Variants in MGAT4C observed in about 807,000 individuals in gnomAD.
The protein encoded by MGAT4C is MGAT4 family member C.
MGAT4C carries 19 observed loss-of-function variants against 40.1 expected under a neutral mutation model. The ratio of observed to expected loss-of-function variants is 0.47; its 90% CI spans 0.33 to 0.70. The LOEUF is 0.70. MGAT4C is among the 30% of genes least tolerant of loss of function. The pLI is 0.02. For missense variants in MGAT4C, 491 were observed against 563.2 expected (o/e 0.87, Z 1.30); for synonymous variants, 181 against 187.1 (o/e 0.97, Z 0.27).
intron 4 of MGAT4C, among the ~76,000 whole-genome samples, chr12:86,284,810 C>T (rs140081218): frequency 9.3e-4 from 142 of 152,008 alleles, no homozygotes; most frequent in African/African-American, 3.1e-3. Flanking sequence ...CATGAATATA[C>T]CATAATCTCC....
At chr12:86,508,419 C>T (rs559927077) in intron 2 of MGAT4C, among the ~76,000 whole-genome samples, 110 of 152,170 alleles carry the variant, frequency 7.2e-4, no homozygotes, top group African/African-American at 1.9e-3. Flanking sequence ...TAGTATTCCA[C>T]GGTGTATATG....
intron 3 of MGAT4C, among the ~76,000 whole-genome samples, chr12:86,338,773 A>G (rs1052437494): frequency 3.3e-5 from 5 of 152,006 alleles, no homozygotes; most frequent in African/African-American, 1.2e-4. Context: ...CAGCCTGGCC[A>G]ACATCGTGAA....
chr12:85,989,438 G>C lies in MGAT4C; in HGVS notation c.109C>G (p.Leu37Val), dbSNP rs754687253. The C allele has an allele frequency of 8.1e-6, 13 of 1,607,250 alleles. No homozygotes were observed. Among genetic ancestry groups the C allele is most frequent in the Non-Finnish European group, 1.1e-5 (13 of 1,176,750 alleles). ...TCTTCAATGTACAAGTTCATAAAAA[G>C]GAGAAAAATGACAAGAACTCCCAAG... ...SFLGVLVIFLLFMNLYIEDSY... is the reference protein window; with the variant it reads ...SFLGVLVIFLVFMNLYIEDSY... The change falls in exon 3 of 5, where the codon CTT becomes GTT. Residue 37 changes from leucine to valine, a missense_variant. Transcript: ENST00000611864.
intron 2 of MGAT4C, among the ~76,000 whole-genome samples, chr12:86,449,791 A>C (rs1410429583): frequency 6.6e-6 from 1 of 152,170 alleles, no homozygotes; most frequent in Non-Finnish European, 1.5e-5. Flanking sequence ...TTGCATGACC[A>C]CCACTAATGG....
intron 1 of MGAT4C, among the ~76,000 whole-genome samples, chr12:86,780,864 A>G (rs1951827280): frequency 6.6e-6 from 1 of 152,152 alleles, no homozygotes; most frequent in Non-Finnish European, 1.5e-5. Context: ...CTACATACAT[A>G]TCCATACATT....
intron 4 of MGAT4C, among the ~76,000 whole-genome samples, chr12:86,333,417 T>C (rs1954715873): frequency 6.6e-6 from 1 of 152,194 alleles, no homozygotes; most frequent in South Asian, 2.1e-4. Context: ...CTGTGCCTCT[T>C]GCTCTTTTAC....
At chr12:86,261,977 T>C (rs1952667580) in intron 4 of MGAT4C, among the ~76,000 whole-genome samples, 1 of 152,072 alleles carries the variant, frequency 6.6e-6, no homozygotes, top group Admixed American at 6.5e-5. Flanking sequence ...AATCAGATCT[T>C]GGCTATGACA....
At chr12:86,072,228 C>A (rs968532850) in intron 1 of MGAT4C, among the ~76,000 whole-genome samples, 1 of 151,958 alleles carries the variant, frequency 6.6e-6, no homozygotes, top group African/African-American at 2.4e-5. Context: ...ACATTTTTCC[C>A]TACTCTCAAA....
intron 2 of MGAT4C, among the ~76,000 whole-genome samples, chr12:86,513,398 G>C (rs963415921): frequency 6.6e-6 from 1 of 152,088 alleles, no homozygotes; most frequent in Non-Finnish European, 1.5e-5. Context: ...ATGTCTGAAT[G>C]GTTCCAGATG....
intron 2 of MGAT4C, chr12:86,016,174 C>T (rs1053802286): frequency 5.9e-5 from 9 of 152,146 alleles, no homozygotes; most frequent in African/African-American, 2.2e-4. Flanking sequence ...TCAACTGGGA[C>T]AATCCTTTTT....
chr12:86,590,410 T>C (rs1164298723), intron 2 of MGAT4C, among the ~76,000 whole-genome samples: 1 of 151,920 alleles, frequency 6.6e-6, no homozygotes, highest in Non-Finnish European at 1.5e-5. Context: ...TTTAACTGGT[T>C]CCTGCTCACT....
intron 1 of MGAT4C, chr12:86,745,156 C>T (rs181173344): frequency 1.8e-4 from 28 of 151,544 alleles, no homozygotes; most frequent in African/African-American, 6.8e-4. Context: ...ACCTGTGTTA[C>T]ACCTGTGCAA....
At chr12:86,441,325 ATTTT>A (rs35057057) in intron 2 of MGAT4C, among the ~76,000 whole-genome samples, 3 of 149,658 alleles carry the variant, frequency 2.0e-5, no homozygotes, top group Non-Finnish European at 4.4e-5. Flanking sequence ...CAACCAACTG[ATTTT>A]TTTTATTATT....
intron 2 of MGAT4C, among the ~76,000 whole-genome samples, chr12:86,586,598 C>T (rs1314990170): frequency 8.3e-6 from 1 of 119,786 alleles, no homozygotes; most frequent in African/African-American, 2.9e-5. Flanking sequence ...TTCTCCACAT[C>T]CTCTCCAGCA....
chr12:86,223,555 C>T (rs1157108860), intron 1 of MGAT4C, among the ~76,000 whole-genome samples: 2 of 152,156 alleles, frequency 1.3e-5, no homozygotes, highest in Non-Finnish European at 2.9e-5. Flanking sequence ...AGAGGCAGGC[C>T]CGCGGTGTAC....
At chr12:86,044,227 A>T (rs1260535716) in intron 2 of MGAT4C, among the ~76,000 whole-genome samples, 1 of 152,184 alleles carries the variant, frequency 6.6e-6, no homozygotes, top group African/African-American at 2.4e-5. Flanking sequence ...AGGACCCTCA[A>T]GGTTAGGAAT....
chr12:86,144,005 A>T (rs1468109905), intron 1 of MGAT4C, among the ~76,000 whole-genome samples: 1 of 152,206 alleles, frequency 6.6e-6, no homozygotes, highest in Non-Finnish European at 1.5e-5. Flanking sequence ...TGCCTAGCAC[A>T]TAATATGTGT....
At chr12:86,809,100 G>C (rs974572670) in intron 1 of MGAT4C, among the ~76,000 whole-genome samples, 1 of 152,038 alleles carries the variant, frequency 6.6e-6, no homozygotes, top group African/African-American at 2.4e-5. Context: ...TCTTCAAAGA[G>C]AACTACAAAC....
At chr12:86,816,408 A>G (rs4842540) in intron 1 of MGAT4C, among the ~76,000 whole-genome samples, 25,822 of 151,732 alleles carry the variant, frequency 0.17, 2,330 homozygotes, top group Middle Eastern at 0.3. Flanking sequence ...TTTTATCAGA[A>G]TATTTTACTT....
Sources: gnomAD v4.1 joint callset for allele counts (sites outside exome capture counted in the v4.1 genomes callset) on GRCh38, gnomAD v4.1.1 for gene constraint, MANE v1.5 for transcripts, NCBI Gene and HGNC (gene_info 2026-07-23, HGNC 2026-07-21) for gene names.